Variants in MAGI2 observed in about 807,000 individuals in gnomAD.
The protein encoded by MAGI2 is membrane associated guanylate kinase, WW and PDZ domain containing 2, also known as membrane-associated guanylate kinase, WW and PDZ domain-containing protein 2.
Under a neutral mutation model 133.3 loss-of-function variants are expected in MAGI2, and 35 were observed. That is an observed-to-expected ratio of 0.26 (90% CI 0.20 to 0.35). MAGI2 has a LOEUF of 0.35. Ranked by LOEUF, MAGI2 falls within the 10% of genes least tolerant of loss-of-function variation. The probability of loss-of-function intolerance (pLI) is 1.00; values close to 1 mark genes in which losing one functional copy is unlikely to be tolerated. For missense variants in MAGI2, 1,636 were observed against 1,863.4 expected (o/e 0.88, Z 2.25); for synonymous variants, 729 against 710.6 (o/e 1.03, Z -0.41).
At chr7:79,451,268 G>GC (rs1427050386) in intron 1 of MAGI2, among the ~76,000 whole-genome samples, 1 of 152,168 alleles carries the variant, frequency 6.6e-6, no homozygotes, top group Admixed American at 6.5e-5. Context: ...AACTTTTGCA[G>GC]CCACGTTCCA....
At chr7:78,898,419 T>G (rs186160587) in intron 2 of MAGI2, among the ~76,000 whole-genome samples, 1 of 152,252 alleles carries the variant, frequency 6.6e-6, no homozygotes, top group East Asian at 1.9e-4. Context: ...TCCATTAATG[T>G]TAAACTGGAT....
intron 6 of MAGI2, among the ~76,000 whole-genome samples, chr7:78,418,270 C>T (rs139631074): frequency 6.6e-6 from 1 of 152,218 alleles, no homozygotes; most frequent in African/African-American, 2.4e-5. Context: ...AAGCAATAAC[C>T]ATATGCATTT....
chr7:78,488,333 A>T lies in MAGI2; in HGVS notation c.1045+1428T>A, dbSNP rs10156060. ...AATATGTTATGCTTGCGTCTCTCTCAGGATTTTAAAATTGACTTTAATAGC... is the reference window on the plus strand; with the variant it reads ...AATATGTTATGCTTGCGTCTCTCTCTGGATTTTAAAATTGACTTTAATAGC... On this transcript the variant is annotated intron_variant, in intron 6 of 21. Transcript: ENST00000354212. 3.3e-5 allele frequency among the ~76,000 whole-genome samples: 5 copies of T among 151,786 alleles called. 1 individual carries two copies. Among genetic ancestry groups the T allele is most frequent in the African/African-American group, 1.2e-4 (5 of 41,334 alleles).
At chr7:78,739,064 C>T (rs1423390906) in intron 2 of MAGI2, among the ~76,000 whole-genome samples, 1 of 152,170 alleles carries the variant, frequency 6.6e-6, no homozygotes. Context: ...AGTGTCTACA[C>T]CTCAAAGGGA....
intron 10 of MAGI2, among the ~76,000 whole-genome samples, chr7:78,220,862 CTT>C (rs1474143117): frequency 6.6e-6 from 1 of 152,164 alleles, no homozygotes; most frequent in African/African-American, 2.4e-5. Context: ...GGAAAACAAA[CTT>C]TATTGAGCTT....
intron 2 of MAGI2, among the ~76,000 whole-genome samples, chr7:78,850,051 CTATACAATAAATTG>C (rs1325608266): frequency 6.6e-6 from 1 of 152,010 alleles, no homozygotes; most frequent in African/African-American, 2.4e-5. Context: ...GTTTTCCCAA[CTATACAATAAATTG>C]TATAGATGCT....
intron 3 of MAGI2, among the ~76,000 whole-genome samples, chr7:78,559,136 C>CAAAAAAAAA (rs71085541): frequency 1.5e-4 from 8 of 54,724 alleles, no homozygotes; most frequent in African/African-American, 2.4e-4. Context: ...TCTGAATTTC[C>CAAAAAAAAA]AAAAAAAAAA....
At chr7:78,562,947 A>G (rs1432887647) in intron 3 of MAGI2, among the ~76,000 whole-genome samples, 1 of 150,738 alleles carries the variant, frequency 6.6e-6, no homozygotes, top group Non-Finnish European at 1.5e-5. Context: ...ATGAAAATAC[A>G]TTCACTTTCC....
intron 3 of MAGI2, among the ~76,000 whole-genome samples, chr7:78,605,325 C>T (rs1805686787): frequency 1.3e-5 from 2 of 152,102 alleles, no homozygotes; most frequent in Admixed American, 1.3e-4. Flanking sequence ...TCAAGAGTGA[C>T]TCAGCATTCT....
chr7:78,477,749 G>A (rs990240526), intron 6 of MAGI2, among the ~76,000 whole-genome samples: 1 of 151,858 alleles, frequency 6.6e-6, no homozygotes, highest in Non-Finnish European at 1.5e-5. Context: ...TGAGATTTGG[G>A]TGGGGACTCA....
At chr7:78,799,501 C>G (rs1787886631) in intron 2 of MAGI2, among the ~76,000 whole-genome samples, 1 of 152,168 alleles carries the variant, frequency 6.6e-6, no homozygotes, top group Non-Finnish European at 1.5e-5. Context: ...TTATCAACCT[C>G]TATTTCCTCC....
chr7:79,157,888 G>C (rs73704256), intron 1 of MAGI2, among the ~76,000 whole-genome samples: 10,898 of 62,260 alleles, frequency 0.18, 1,066 homozygotes, highest in African/African-American at 0.35. Flanking sequence ...TAGTTAATTT[G>C]TATTTATGTC....
At chr7:78,719,294 T>A (rs1441231601) in intron 2 of MAGI2, among the ~76,000 whole-genome samples, 1 of 152,102 alleles carries the variant, frequency 6.6e-6, no homozygotes, top group Non-Finnish European at 1.5e-5. Context: ...CATGTCCAAA[T>A]AAAATAATAC....
intron 2 of MAGI2, among the ~76,000 whole-genome samples, chr7:78,924,954 G>T (rs994425694): frequency 6.6e-6 from 1 of 151,754 alleles, no homozygotes; most frequent in Non-Finnish European, 1.5e-5. Flanking sequence ...GTGCTCTCCA[G>T]GTTGGAGGAA....
intron 6 of MAGI2, among the ~76,000 whole-genome samples, chr7:78,390,381 C>T (rs17150656): frequency 0.54 from 81,955 of 152,040 alleles, 23,029 homozygotes; most frequent in Middle Eastern, 0.66. Context: ...TCAATGCTTT[C>T]GTTCACTGGT....
At chr7:79,261,592 C>G (rs1367284030) in intron 1 of MAGI2, among the ~76,000 whole-genome samples, 1 of 152,132 alleles carries the variant, frequency 6.6e-6, no homozygotes, top group Non-Finnish European at 1.5e-5. Flanking sequence ...ATGTTTCTAC[C>G]CATCTCCCCA....
chr7:78,632,789 GTTA>G (rs3051450), intron 2 of MAGI2, among the ~76,000 whole-genome samples: 7,027 of 152,282 alleles, frequency 0.046, 226 homozygotes, highest in East Asian at 0.082. Context: ...CTTACACACT[GTTA>G]TTAGAGTGTA....
At chr7:78,724,410 C>A (rs1820562960) in intron 2 of MAGI2, among the ~76,000 whole-genome samples, 1 of 152,008 alleles carries the variant, frequency 6.6e-6, no homozygotes, top group South Asian at 2.1e-4. Context: ...TATGATGGTA[C>A]CATAGTTGTA....
chr7:78,648,466 C>T (rs910506693), intron 2 of MAGI2, among the ~76,000 whole-genome samples: 1 of 152,168 alleles, frequency 6.6e-6, no homozygotes, highest in African/African-American at 2.4e-5. Flanking sequence ...ATTGTTGATC[C>T]TTATGATTTT....
Sources: allele counts gnomAD v4.1 joint callset (sites outside exome capture counted in the v4.1 genomes callset), GRCh38; gene constraint gnomAD v4.1.1; transcripts MANE v1.5; gene names NCBI Gene and HGNC (gene_info 2026-07-23, HGNC 2026-07-21).